ARHGAP15: variants seen among roughly 807,000 people sequenced by gnomAD.
ARHGAP15 encodes the protein Rho GTPase activating protein 15.
ARHGAP15 carries 51 observed loss-of-function variants against 63.7 expected under a neutral mutation model. The ratio of observed to expected loss-of-function variants is 0.80; its 90% confidence interval spans 0.64 to 1.01. The LOEUF (loss-of-function observed/expected upper bound fraction) is 1.01, where lower values mean the gene tolerates loss of function less well. ARHGAP15 is among the 50% of genes least tolerant of loss of function. ARHGAP15 has a pLI of 0.00. For synonymous variants in ARHGAP15, 191 were observed against 193.8 expected, an observed-to-expected ratio of 0.99 and a Z score of 0.12; for missense variants, 560 against 564.6, an observed-to-expected ratio of 0.99 and a Z score of 0.08.
intron 13 of ARHGAP15, among the ~76,000 whole-genome samples, chr2:143,737,638 GCTTT>G (rs1380268375): frequency 4.6e-5 from 7 of 152,104 alleles, no homozygotes; most frequent in Non-Finnish European, 1.0e-4. Context: ...ATGTCCTCTG[GCTTT>G]CTGACTGGCC....
chr2:143,514,652 A>G (rs926904899), intron 9 of ARHGAP15, among the ~76,000 whole-genome samples: 8 of 152,186 alleles, frequency 5.3e-5, no homozygotes, highest in African/African-American at 1.9e-4. Context: ...TCAGTGGCAT[A>G]TAACACCGAG....
At chr2:143,377,825 A>G (rs1159624116) in intron 6 of ARHGAP15, among the ~76,000 whole-genome samples, 1 of 152,104 alleles carries the variant, frequency 6.6e-6, no homozygotes, top group Non-Finnish European at 1.5e-5. Flanking sequence ...TTCTCAATGT[A>G]TTGCTCAAAA....
At chr2:143,428,901 G>A (rs1030839683) in intron 6 of ARHGAP15, among the ~76,000 whole-genome samples, 1 of 152,108 alleles carries the variant, frequency 6.6e-6, no homozygotes, top group African/African-American at 2.4e-5. Context: ...AAGGTGATCT[G>A]TGGTTGGCAG....
intron 2 of ARHGAP15, among the ~76,000 whole-genome samples, chr2:143,177,530 C>T (rs951103778): frequency 3.9e-5 from 6 of 152,204 alleles, no homozygotes; most frequent in Non-Finnish European, 7.3e-5. Context: ...CGATTGCATA[C>T]TCATTTGTTT....
At chr2:143,756,015 G>A (rs140107647) in intron 13 of ARHGAP15, among the ~76,000 whole-genome samples, 446 of 151,688 alleles carry the variant, frequency 2.9e-3, no homozygotes, top group African/African-American at 0.01. Flanking sequence ...AAAATTAAGC[G>A]CATACAAACT....
chr2:143,569,743 TAAGAG>T (rs1049441935), intron 11 of ARHGAP15, among the ~76,000 whole-genome samples: 21 of 152,186 alleles, frequency 1.4e-4, no homozygotes, highest in African/African-American at 5.1e-4. Context: ...TTCCACTGGC[TAAGAG>T]AAGAATGAAT....
intron 13 of ARHGAP15, among the ~76,000 whole-genome samples, chr2:143,736,241 C>T (rs936869616): frequency 1.3e-5 from 2 of 151,878 alleles, no homozygotes; most frequent in East Asian, 1.9e-4. Context: ...CTACTAAATA[C>T]AAAAAATTAG....
intron 6 of ARHGAP15, among the ~76,000 whole-genome samples, chr2:143,338,141 G>T (rs924241730): frequency 1.3e-5 from 2 of 152,068 alleles, no homozygotes; most frequent in Non-Finnish European, 2.9e-5. Context: ...ATTATTCTTT[G>T]AGAGCCTTTA....
intron 13 of ARHGAP15, among the ~76,000 whole-genome samples, chr2:143,756,910 T>C (rs1686599626): frequency 6.6e-6 from 1 of 151,902 alleles, no homozygotes. Context: ...CTTCCTCAGG[T>C]CTCAGGCCTC....
chr2:143,654,712 G>A (rs1681344027), intron 12 of ARHGAP15, among the ~76,000 whole-genome samples: 1 of 152,034 alleles, frequency 6.6e-6, no homozygotes, highest in South Asian at 2.1e-4. Flanking sequence ...GAAACCCAAG[G>A]GTTTTTATTC....
intron 9 of ARHGAP15, among the ~76,000 whole-genome samples, chr2:143,490,299 G>A (rs530154170): frequency 3.9e-5 from 6 of 152,182 alleles, no homozygotes; most frequent in East Asian, 1.9e-4. Context: ...ACGCCCGGCC[G>A]GCCATGTCAA....
chr2:143,740,133 T>C (rs191430560), intron 13 of ARHGAP15, among the ~76,000 whole-genome samples: 119 of 151,850 alleles, frequency 7.8e-4, no homozygotes, highest in African/African-American at 2.8e-3. Context: ...AAAAAAAAAA[T>C]GATTTTCTCC....
intron 13 of ARHGAP15, among the ~76,000 whole-genome samples, chr2:143,754,595 C>T (rs561140829): frequency 1.3e-5 from 2 of 152,246 alleles, no homozygotes; most frequent in Admixed American, 6.5e-5. Context: ...TAGGTCTTCC[C>T]CAAAGAGAAG....
intron 13 of ARHGAP15, among the ~76,000 whole-genome samples, chr2:143,767,275 A>C (rs2072953600): frequency 6.6e-6 from 1 of 152,142 alleles, no homozygotes; most frequent in Admixed American, 6.6e-5. Flanking sequence ...CAGGCAAGTC[A>C]TTACCATTAA....
chr2:143,608,522 C>T (rs1422808569), intron 11 of ARHGAP15: 1 of 152,148 alleles, frequency 6.6e-6, no homozygotes, highest in African/African-American at 2.4e-5. Flanking sequence ...GTAAGATTAA[C>T]AATTAGTAGA....
At chr2:143,742,898 T>A (rs1369582606) in intron 13 of ARHGAP15, among the ~76,000 whole-genome samples, 2 of 152,166 alleles carry the variant, frequency 1.3e-5, no homozygotes, top group Non-Finnish European at 1.5e-5. Context: ...CTTCACAGAC[T>A]TTTCTCACTG....
At chr2:143,225,661 C>T (rs575491628) in intron 4 of ARHGAP15, among the ~76,000 whole-genome samples, 1 of 152,174 alleles carries the variant, frequency 6.6e-6, no homozygotes, top group African/African-American at 2.4e-5. Context: ...CATAAAGTAA[C>T]GAACAGATTA....
At chr2:143,459,284 C>A (rs974352083) in intron 8 of ARHGAP15, among the ~76,000 whole-genome samples, 1 of 151,592 alleles carries the variant, frequency 6.6e-6, no homozygotes, top group South Asian at 2.1e-4. Context: ...GTTTTAGGAT[C>A]AAGGTACCAC....
chr2:143,163,977 C>A (rs1249365516), intron 2 of ARHGAP15, among the ~76,000 whole-genome samples: 4 of 151,998 alleles, frequency 2.6e-5, no homozygotes, highest in Non-Finnish European at 5.9e-5. Context: ...GGAAACCCAT[C>A]CCTAAACGGT....
Sources: allele counts gnomAD v4.1 joint callset (sites outside exome capture counted in the v4.1 genomes callset), GRCh38; gene constraint gnomAD v4.1.1; transcripts MANE v1.5; gene names NCBI Gene and HGNC (gene_info 2026-07-23, HGNC 2026-07-21).